SCFD1: variants seen among roughly 807,000 people sequenced by gnomAD.
SCFD1 encodes sec1 family domain containing 1, also known as sec1 family domain-containing protein 1.
SCFD1 carries 37 observed loss-of-function variants against 103.2 expected under a neutral mutation model. The ratio of observed to expected loss-of-function variants is 0.36; its 90% CI spans 0.28 to 0.47. The LOEUF is 0.47. Ranked by LOEUF, SCFD1 falls within the 20% of genes least tolerant of loss-of-function variation. The pLI is 1.00. For missense variants in SCFD1, 639 were observed against 761.2 expected (o/e 0.84, Z 1.89); for synonymous variants, 264 against 245.0 (o/e 1.08, Z -0.73).
At chr14:30,692,981 T>C (rs1890425922) in intron 14 of SCFD1, among the ~76,000 whole-genome samples, 1 of 152,216 alleles carries the variant, frequency 6.6e-6, no homozygotes, top group Non-Finnish European at 1.5e-5. Flanking sequence ...CTCATATTTC[T>C]TTTGCTCATT....
chr14:30,644,478 T>C (rs1885609099), intron 7 of SCFD1, among the ~76,000 whole-genome samples: 1 of 152,202 alleles, frequency 6.6e-6, no homozygotes, highest in Non-Finnish European at 1.5e-5. Context: ...AGCGTATAAG[T>C]GTTCCCTTTC....
intron 10 of SCFD1, among the ~76,000 whole-genome samples, chr14:30,666,987 C>G (rs1888037424): frequency 1.3e-5 from 2 of 152,142 alleles, no homozygotes; most frequent in Non-Finnish European, 2.9e-5. Flanking sequence ...CAAAGAGAAG[C>G]TGGTACCATT....
chr14:30,725,929 C>G (rs1478760799), intron 23 of SCFD1, among the ~76,000 whole-genome samples: 1 of 152,204 alleles, frequency 6.6e-6, no homozygotes, highest in Non-Finnish European at 1.5e-5. Context: ...AGTCTTGACT[C>G]TAGCACAGGA....
rs114557333 is a variant in SCFD1 at position 30,709,919 on chromosome 14, A to G, written c.1629+1854A>G. Among the ~76,000 whole-genome samples, 852 of 152,326 alleles carry G rather than the reference A, an allele frequency of 5.6e-3. 10 individuals carry two copies. The highest frequency in any genetic ancestry group is 0.019 in the African/African-American group (782 of 41,580). On this transcript the variant is annotated intron_variant, in intron 19 of 24. Coordinates refer to ENST00000458591, the MANE Select transcript of SCFD1 (RefSeq NM_016106.4). ...ATATTTTTCTTCACATGTCACTGTT[A>G]GAAGTAAATCCCAATAGTAAGATTT...
chr14:30,724,782 T>C lies in SCFD1; in HGVS notation c.1836+2223T>C, dbSNP rs144872314. ...GCCCATTCCTATGTCCAGAATGATA[T>C]TGCCTAGGTTGTCTTCCAGGGTTTT... On this transcript the variant is annotated intron_variant, in intron 23 of 24. Transcript: ENST00000458591. 4.1e-3 allele frequency among the ~76,000 whole-genome samples: 628 copies of C among 152,328 alleles called. 1 individual carries two copies. The highest frequency in any genetic ancestry group is 0.024 in the Middle Eastern group (7 of 294).
At chr14:30,692,852 A>C (rs1049429267) in intron 14 of SCFD1, among the ~76,000 whole-genome samples, 2 of 151,994 alleles carry the variant, frequency 1.3e-5, no homozygotes, top group Admixed American at 6.6e-5. Flanking sequence ...TCATTCCCCA[A>C]AGTTTTCTTT....
At chr14:30,627,935 A>C (rs1883690935) in intron 1 of SCFD1, among the ~76,000 whole-genome samples, 1 of 151,390 alleles carries the variant, frequency 6.6e-6, no homozygotes, top group Non-Finnish European at 1.5e-5. Context: ...CAGTATATTG[A>C]GGCCATTGCA....
intron 23 of SCFD1, among the ~76,000 whole-genome samples, chr14:30,728,286 C>T (rs546678415): frequency 6.6e-6 from 1 of 152,266 alleles, no homozygotes; most frequent in East Asian, 1.9e-4. Flanking sequence ...TGCTCCAATA[C>T]TTTGTGTTTG....
Position 30,628,221 on chromosome 14 carries a change from G to A in SCFD1, c.74G>A (p.Arg25His), listed in dbSNP as rs143211789. 83 of 1,609,542 alleles carry A rather than the reference G, an allele frequency of 5.2e-5. 1 individual carries two copies. Among genetic ancestry groups the A allele is most frequent in the East Asian group, 3.1e-4 (14 of 44,754 alleles). ...TTTTTATTTTCAGTGGCTTTGAAGC[G>A]TATGTTGAATTTCAATGTGCCTCAT... ...IRERQTVALK[R>H]MLNFNVPHIK... The change falls in exon 2 of 25, where the codon CGT becomes CAT. Residue 25 changes from arginine to histidine, a missense_variant. Coordinates refer to ENST00000458591, the MANE Select transcript of SCFD1 (RefSeq NM_016106.4).
Position 30,702,444 on chromosome 14 carries a change from AATGGG to A in SCFD1, c.1490+71_1490+75del, listed in dbSNP as rs919328619. On this transcript the variant is annotated intron_variant, in intron 17 of 24. Coordinates refer to ENST00000458591, the MANE Select transcript of SCFD1 (RefSeq NM_016106.4). ...ACAATTGAGGCTTCATTCCCAAGAAAATGGGAATGCTAATAAGAAAACTGAACAAT... is the reference window on the plus strand; with the variant it reads ...ACAATTGAGGCTTCATTCCCAAGAAAAATGCTAATAAGAAAACTGAACAAT... 68 of 925,858 alleles carry A rather than the reference AATGGG, an allele frequency of 7.3e-5. No homozygotes were observed. The African/African-American group carries it at 9.5e-4, about 13-fold the overall frequency. The allele number at this position is 925,858 out of a possible 1,614,324, so 57.4% of individuals were successfully genotyped here.
At chr14:30,726,250 A>G (rs541737267) in intron 23 of SCFD1, among the ~76,000 whole-genome samples, 2 of 152,362 alleles carry the variant, frequency 1.3e-5, no homozygotes, top group African/African-American at 4.8e-5. Context: ...GTTCTTAATC[A>G]TGTACAAGCT....
chr14:30,701,515 A>G (rs893011730), intron 16 of SCFD1, among the ~76,000 whole-genome samples: 13 of 152,076 alleles, frequency 8.5e-5, no homozygotes, highest in Admixed American at 8.5e-4. Context: ...AGATTGCTCC[A>G]CTGCACTCCA....
chr14:30,627,795 C>A (rs1883657235), intron 1 of SCFD1, among the ~76,000 whole-genome samples: 1 of 141,294 alleles, frequency 7.1e-6, no homozygotes, highest in Non-Finnish European at 1.5e-5. Context: ...CACTAGGCCA[C>A]TCACACTTAA....
Position 30,667,711 on chromosome 14 carries a change from C to T in SCFD1, c.856-2545C>T, listed in dbSNP as rs553521406. Among the ~76,000 whole-genome samples the T allele has an allele frequency of 3.9e-5, 6 of 152,338 alleles. No individual in the cohort carries two copies. In the East Asian group the frequency reaches 1.2e-3, roughly 29 times the overall value. Reference sequence around the variant, plus strand: ...CTGATAAGCAACTTCAGCAAAGTCTCAGGATACAAAATCAATGTGCAAAAA... The same window carrying T: ...CTGATAAGCAACTTCAGCAAAGTCTTAGGATACAAAATCAATGTGCAAAAA... On this transcript the variant is annotated intron_variant, in intron 10 of 24. Transcript: ENST00000458591.
intron 9 of SCFD1, among the ~76,000 whole-genome samples, chr14:30,651,198 A>G (rs1566597328): frequency 6.6e-6 from 1 of 152,150 alleles, no homozygotes; most frequent in Non-Finnish European, 1.5e-5. Flanking sequence ...AAAGAAACCC[A>G]CTCAAATGGC....
intron 9 of SCFD1, among the ~76,000 whole-genome samples, chr14:30,651,782 T>C (rs902573336): frequency 6.6e-6 from 1 of 152,196 alleles, no homozygotes; most frequent in African/African-American, 2.4e-5. Flanking sequence ...GTCACAACCT[T>C]GCTGGACTAT....
chr14:30,725,804 G>A (rs1482545289), intron 23 of SCFD1, among the ~76,000 whole-genome samples: 1 of 151,974 alleles, frequency 6.6e-6, no homozygotes, highest in Non-Finnish European at 1.5e-5. Flanking sequence ...TAGTTTCATA[G>A]CAAAAATTAA....
At chr14:30,632,998 A>T (rs1024432316) in intron 3 of SCFD1, among the ~76,000 whole-genome samples, 4 of 152,126 alleles carry the variant, frequency 2.6e-5, no homozygotes, top group Non-Finnish European at 4.4e-5. Context: ...ATTCTCCTCT[A>T]TTTGCTGGAG....
chr14:30,673,797 A>G, intron 12 of SCFD1, 127 bp from the exon 13 acceptor site: 1 of 672,594 alleles, frequency 1.5e-6, no homozygotes, highest in African/African-American at 1.8e-5. Flanking sequence ...TTACTATTCT[A>G]GGTGACTTAA....
Sources: allele counts gnomAD v4.1 joint callset (sites outside exome capture counted in the v4.1 genomes callset), GRCh38; gene constraint gnomAD v4.1.1; transcripts MANE v1.5; gene names NCBI Gene and HGNC (gene_info 2026-07-23, HGNC 2026-07-21).